The following PPP6R3 variants were observed in gnomAD, a reference collection of about 807,000 sequenced individuals.
PPP6R3 encodes protein phosphatase 6 regulatory subunit 3.
A neutral mutation model predicts 110.7 loss-of-function variants in PPP6R3; 38 were observed. The ratio of observed to expected loss-of-function variants is 0.34; its 90% CI spans 0.26 to 0.45. The LOEUF (loss-of-function observed/expected upper bound fraction) is 0.45. Ranked by LOEUF, PPP6R3 falls within the 20% of genes least tolerant of loss-of-function variation. PPP6R3 has a pLI of 1.00. For missense variants in PPP6R3, 870 were observed against 1,062.4 expected, an observed-to-expected ratio of 0.82 and a Z score of 2.52; for synonymous variants, 369 against 373.5, an observed-to-expected ratio of 0.99 and a Z score of 0.14.
At position 68,614,243 on chromosome 11, in the gene PPP6R3, GTATA is replaced by G; in HGVS notation, c.*1133_*1136del. The G allele has an allele frequency of 1.0e-6, 1 of 1,002,388 alleles. No individual in the cohort carries two copies. The highest frequency in any genetic ancestry group is 1.7e-5 in the African/African-American group (1 of 57,346). 62.1% of individuals were successfully genotyped at this position (1,002,388 alleles called of 1,614,324 possible). A position where few individuals can be genotyped will look rare whatever the true frequency, so the allele number is the denominator to read the frequency against. Reference sequence around the variant, plus strand: ...GTGTATTTTTTTAGAACTGGTTTGTGTATATATATAGTGATTATGGATACTAATT... The same window carrying G: ...GTGTATTTTTTTAGAACTGGTTTGTGTATATAGTGATTATGGATACTAATT... On this transcript the variant is annotated 3_prime_UTR_variant, in exon 24 of 24. Transcript: ENST00000393800.
At chr11:68,506,863 C>T (rs1270105235) in intron 1 of PPP6R3, among the ~76,000 whole-genome samples, 1 of 152,096 alleles carries the variant, frequency 6.6e-6, no homozygotes, top group Non-Finnish European at 1.5e-5. Context: ...GCTTTTACAT[C>T]AAATTAAGCT....
intron 1 of PPP6R3, among the ~76,000 whole-genome samples, chr11:68,494,096 C>T (rs1390190814): frequency 1.1e-5 from 1 of 91,316 alleles, no homozygotes; most frequent in Non-Finnish European, 2.2e-5. Flanking sequence ...GAGCGAGACT[C>T]CATCTCAAAA....
intron 14 of PPP6R3, among the ~76,000 whole-genome samples, chr11:68,578,532 A>G (rs192007160): frequency 2.6e-5 from 4 of 152,342 alleles, no homozygotes; most frequent in African/African-American, 9.6e-5. Flanking sequence ...TATTCATAGA[A>G]GTGGAGTCAG....
chr11:68,527,348 C>A (rs766973595), intron 2 of PPP6R3, among the ~76,000 whole-genome samples: 1 of 152,196 alleles, frequency 6.6e-6, no homozygotes, highest in Non-Finnish European at 1.5e-5. Context: ...TGACAGTTAA[C>A]GCATTCACAC....
At chr11:68,487,594 T>A (rs947350608) in intron 1 of PPP6R3, among the ~76,000 whole-genome samples, 1 of 152,188 alleles carries the variant, frequency 6.6e-6, no homozygotes, top group African/African-American at 2.4e-5. Flanking sequence ...GTATTTTTTT[T>A]TATTTAGTTA....
At chr11:68,585,310 C>A (rs1056635513) in intron 15 of PPP6R3, among the ~76,000 whole-genome samples, 1 of 152,218 alleles carries the variant, frequency 6.6e-6, no homozygotes, top group African/African-American at 2.4e-5. Context: ...ACTGACTCAT[C>A]ATTTCCCACT....
chr11:68,541,295 G>A (rs762666798), intron 3 of PPP6R3, among the ~76,000 whole-genome samples: 2 of 152,172 alleles, frequency 1.3e-5, no homozygotes, highest in Non-Finnish European at 2.9e-5. Flanking sequence ...CTGCTCTGTG[G>A]TTAGGGACTG....
chr11:68,473,776 T>C (rs531835230), intron 1 of PPP6R3, among the ~76,000 whole-genome samples: 1 of 152,350 alleles, frequency 6.6e-6, no homozygotes, highest in South Asian at 2.1e-4. Context: ...AGGGAAAGAA[T>C]AGGAAAAACA....
chr11:68,521,972 T>G (rs772531213), intron 2 of PPP6R3, among the ~76,000 whole-genome samples: 30 of 152,200 alleles, frequency 2.0e-4, no homozygotes, highest in Non-Finnish European at 1.5e-4. Flanking sequence ...AGGTTTTACA[T>G]TTTTCATCTT....
rs969188617 is a variant in PPP6R3, at chr11:68,613,566, C to T, written c.*449C>T. The T allele has an allele frequency of 1.0e-6, 1 of 985,928 alleles. No homozygotes were observed. The highest frequency in any genetic ancestry group is 1.7e-5 in the African/African-American group (1 of 57,212). The allele number at this position is 985,928 out of a possible 1,614,324, so 61.1% of individuals were successfully genotyped here. Reference sequence around the variant, plus strand: ...TGTACAAAATTATGAATTCATTTTTCCTCCAGGCCGACAAGGAGTTGTAGA... The same window carrying T: ...TGTACAAAATTATGAATTCATTTTTTCTCCAGGCCGACAAGGAGTTGTAGA... On this transcript the variant is annotated 3_prime_UTR_variant, in exon 24 of 24. Coordinates refer to ENST00000393800, the MANE Select transcript of PPP6R3 (RefSeq NM_001164161.2).
At chr11:68,603,088 G>A (rs1205294452) in intron 21 of PPP6R3, among the ~76,000 whole-genome samples, 6 of 152,090 alleles carry the variant, frequency 3.9e-5, no homozygotes, top group Non-Finnish European at 8.8e-5. Context: ...GGAGGTGGAC[G>A]CTGAGCTGGG....
At position 68,541,252 on chromosome 11, in the gene PPP6R3, A is replaced by G. The variant is rs532524906; in HGVS notation, c.227+3361A>G. Among the ~76,000 whole-genome samples the G allele has an allele frequency of 6.6e-5, 10 of 152,304 alleles. No individual in the cohort carries two copies. In the South Asian group the frequency reaches 1.0e-3, roughly 16 times the overall value. ...TCCCTGACTTCCTGCAACCTGTGCC[A>G]TAGTCTGACTTTGTTCCTTAGGAGT... On this transcript the variant is annotated intron_variant, in intron 3 of 23. Coordinates refer to ENST00000393800, the MANE Select transcript of PPP6R3 (RefSeq NM_001164161.2).
chr11:68,516,876 TC>T lies in PPP6R3; in HGVS notation c.-157-2624del, dbSNP rs2099139934. Among the ~76,000 whole-genome samples the T allele has an allele frequency of 2.0e-5, 3 of 152,116 alleles. No homozygotes were observed. In the South Asian group the frequency reaches 6.2e-4, roughly 31 times the overall value. On this transcript the variant is annotated intron_variant, in intron 1 of 23. Coordinates refer to ENST00000393800, the MANE Select transcript of PPP6R3 (RefSeq NM_001164161.2). ...TTGACACTTATTTCCTGTTTTTTTT[TC>T]TTCTTTTCCTATAGTAGCCATCCTA...
chr11:68,562,416 G>T (rs1332208224), intron 8 of PPP6R3, among the ~76,000 whole-genome samples: 1 of 152,166 alleles, frequency 6.6e-6, no homozygotes, highest in Non-Finnish European at 1.5e-5. Flanking sequence ...ATCTAAGCAG[G>T]ATTTTTTAGA....
chr11:68,471,126 T>A (rs1156852904), intron 1 of PPP6R3, among the ~76,000 whole-genome samples: 1 of 150,596 alleles, frequency 6.6e-6, no homozygotes, highest in Non-Finnish European at 1.5e-5. Flanking sequence ...CTAAAAAAAA[T>A]ACAAAAAAAT....
rs541801974 is a variant in PPP6R3, at chr11:68,551,253, A to C, written c.618+67A>C. The C allele has an allele frequency of 4.2e-5, 49 of 1,172,204 alleles. No homozygotes were observed. The African/African-American group carries it at 5.5e-4, about 13-fold the overall frequency. The allele number at this position is 1,172,204 out of a possible 1,614,324, so 72.6% of individuals were successfully genotyped here. ...AAACAAAAAACTGTTTATTGGGCAC[A>C]GAGCATACTTATATTAAATGTGAAC... is the stretch of plus-strand genomic sequence containing the variant. On this transcript the variant is annotated intron_variant, in intron 6 of 23. Coordinates refer to ENST00000393800, the MANE Select transcript of PPP6R3 (RefSeq NM_001164161.2).
chr11:68,592,662 G>A (rs1008475639), intron 18 of PPP6R3, among the ~76,000 whole-genome samples: 9 of 152,074 alleles, frequency 5.9e-5, no homozygotes, highest in Admixed American at 2.0e-4. Context: ...TCCTGCTCTC[G>A]TCTTCTGCAT....
intron 12 of PPP6R3, among the ~76,000 whole-genome samples, chr11:68,572,642 G>A (rs904973277): frequency 6.6e-6 from 1 of 152,092 alleles, no homozygotes; most frequent in Non-Finnish European, 1.5e-5. Flanking sequence ...TTGAGGCCAG[G>A]GGTTCGAGAC....
intron 15 of PPP6R3, chr11:68,587,176 A>AACCC (rs1491559855): frequency 2.9e-5 from 2 of 68,356 alleles, no homozygotes; most frequent in African/African-American, 1.0e-4. Flanking sequence ...CCATTATAAC[A>AACCC]CCCCCCCCCC....
Sources: gnomAD v4.1 joint callset for allele counts (sites outside exome capture counted in the v4.1 genomes callset) on GRCh38, gnomAD v4.1.1 for gene constraint, MANE v1.5 for transcripts, NCBI Gene and HGNC (gene_info 2026-07-23, HGNC 2026-07-21) for gene names.